Variants in STAG1 observed in about 807,000 individuals in gnomAD.
STAG1 encodes the protein STAG1 cohesin complex component, also known as cohesin subunit SA-1.
In STAG1, 26 loss-of-function variants were observed where a neutral mutation model predicts 170.9. The observed-to-expected ratio is 0.15, with a 90% confidence interval of 0.11 to 0.21. STAG1 has a LOEUF of 0.21. Ranked by LOEUF, STAG1 falls within the 10% of genes least tolerant of loss-of-function variation. The pLI, the probability that STAG1 is intolerant of heterozygous loss-of-function variation, is 1.00. For synonymous variants in STAG1, 514 were observed against 497.7 expected, an observed-to-expected ratio of 1.03 and a Z score of -0.44; for missense variants, 964 against 1,509.5, an observed-to-expected ratio of 0.64 and a Z score of 5.99.
intron 1 of STAG1, among the ~76,000 whole-genome samples, chr3:136,720,881 T>C (rs1933220158): frequency 6.6e-6 from 1 of 152,308 alleles, no homozygotes; most frequent in African/African-American, 2.4e-5. Context: ...TTTCATAGTT[T>C]ACAGAGCACT....
At chr3:136,368,756 AG>A (rs1308275021) in intron 24 of STAG1, among the ~76,000 whole-genome samples, 4 of 152,220 alleles carry the variant, frequency 2.6e-5, no homozygotes, top group Non-Finnish European at 4.4e-5. Context: ...AAAAGATCTG[AG>A]GTACAGTATT....
At chr3:136,624,708 A>C (rs1940019447) in intron 2 of STAG1, among the ~76,000 whole-genome samples, 1 of 152,236 alleles carries the variant, frequency 6.6e-6, no homozygotes, top group South Asian at 2.1e-4. Context: ...TATAATCAAC[A>C]AAACAATAAA....
intron 1 of STAG1, among the ~76,000 whole-genome samples, chr3:136,700,496 C>T (rs1489485529): frequency 2.0e-5 from 3 of 150,904 alleles, no homozygotes; most frequent in Non-Finnish European, 4.4e-5. Flanking sequence ...CTCTGCTCAC[C>T]GCAACCTCCA....
chr3:136,745,590 C>CA (rs1356928173), intron 1 of STAG1, among the ~76,000 whole-genome samples: 1 of 152,172 alleles, frequency 6.6e-6, no homozygotes, highest in East Asian at 1.9e-4. Flanking sequence ...CTAATGCTCC[C>CA]ACTGATCTGA....
At chr3:136,340,695 G>C (rs503973) in intron 31 of STAG1, 90 bp from the exon 32 acceptor site, 634,466 of 793,726 alleles carry the variant, frequency 0.8, 254,966 homozygotes, top group East Asian at 0.99. Flanking sequence ...TTCTAACCAA[G>C]TGAAGTATAC....
chr3:136,678,652 C>G (rs1257386569), intron 1 of STAG1, among the ~76,000 whole-genome samples: 1 of 150,982 alleles, frequency 6.6e-6, no homozygotes. Context: ...AATATTTCAA[C>G]AGTGGTAATG....
In STAG1 at chr3:136,336,393, G is replaced by C. The variant is rs1410974651; in HGVS notation, c.*1861C>G. The C allele has an allele frequency of 6.6e-6, 1 of 152,232 alleles. No individual in the cohort carries two copies. The highest frequency in any genetic ancestry group is 1.5e-5 in the Non-Finnish European group (1 of 68,034). The allele number at this position is 152,232 out of a possible 1,614,324, so 9.4% of individuals were successfully genotyped here. A position where few individuals can be genotyped will look rare whatever the true frequency, so the allele number is the denominator to read the frequency against. On this transcript the variant is annotated 3_prime_UTR_variant, in exon 34 of 34. Transcript: ENST00000383202. ...ACAAAAATTTGATTGACTTCAAACT[G>C]AACTGGAAACCCATTGGAGTAGATA...
At chr3:136,498,124 G>A (rs1445657427) in intron 9 of STAG1, among the ~76,000 whole-genome samples, 7 of 146,990 alleles carry the variant, frequency 4.8e-5, no homozygotes, top group Non-Finnish European at 7.5e-5. Context: ...CCCGGGAGGC[G>A]GAGGTTGCAG....
At chr3:136,536,236 GAATATAACAGGCCCATTAAA>G (rs1935615042) in intron 6 of STAG1, among the ~76,000 whole-genome samples, 1 of 152,038 alleles carries the variant, frequency 6.6e-6, no homozygotes, top group Non-Finnish European at 1.5e-5. Flanking sequence ...CAGATTAAGA[GAATATAACAGGCCCATTAAA>G]AAACTACTAG....
At position 136,731,686 on chromosome 3, in the gene STAG1, C is replaced by T. The variant is rs1934050995; in HGVS notation, c.-84+20509G>A. Among the ~76,000 whole-genome samples, 4 of 152,234 alleles carry T rather than the reference C, an allele frequency of 2.6e-5. 1 individual carries two copies. The highest frequency in any genetic ancestry group is 2.6e-4 in the Admixed American group (4 of 15,282). ...CTGTGCTTCAATGTCTTTATAACCA[C>T]ACTATATGGCTCATTGTAAATGTTC... On this transcript the variant is annotated intron_variant, in intron 1 of 33. Coordinates refer to ENST00000383202, the MANE Select transcript of STAG1 (RefSeq NM_005862.3).
chr3:136,642,152 G>A (rs1349926465), intron 1 of STAG1, among the ~76,000 whole-genome samples: 3 of 150,486 alleles, frequency 2.0e-5, no homozygotes, highest in Non-Finnish European at 4.4e-5. Context: ...ATCTCTTGAA[G>A]ATCAAAAATT....
At chr3:136,430,770 T>C (rs931339703) in intron 16 of STAG1, among the ~76,000 whole-genome samples, 7 of 146,720 alleles carry the variant, frequency 4.8e-5, no homozygotes, top group African/African-American at 7.6e-5. Context: ...TTCATGTTCT[T>C]TCAAGGAAAT....
chr3:136,359,124 T>A (rs762339050), intron 27 of STAG1, 24 bp downstream of exon 27: 2 of 1,573,204 alleles, frequency 1.3e-6, no homozygotes, highest in South Asian at 1.2e-5. Context: ...AGATTCTGCA[T>A]AACAAAGTGT....
At chr3:136,460,866 TAAC>T (rs1400310869) in intron 13 of STAG1, among the ~76,000 whole-genome samples, 2 of 151,800 alleles carry the variant, frequency 1.3e-5, no homozygotes, top group East Asian at 3.9e-4. Flanking sequence ...AAAGACAAAA[TAAC>T]AACAACAAAA....
At chr3:136,576,356 G>T (rs576004347) in intron 4 of STAG1, among the ~76,000 whole-genome samples, 74 of 152,250 alleles carry the variant, frequency 4.9e-4, no homozygotes, top group Middle Eastern at 6.8e-3. Flanking sequence ...TAATAGGCTT[G>T]AATGTCCTCA....
At chr3:136,476,222 C>G (rs1246861515) in intron 10 of STAG1, among the ~76,000 whole-genome samples, 1 of 152,158 alleles carries the variant, frequency 6.6e-6, no homozygotes, top group Non-Finnish European at 1.5e-5. Context: ...TAGCCCTTGT[C>G]TTGATATAAT....
At chr3:136,385,957 C>A (rs919393100) in intron 22 of STAG1, among the ~76,000 whole-genome samples, 3 of 152,218 alleles carry the variant, frequency 2.0e-5, no homozygotes, top group African/African-American at 7.2e-5. Context: ...CCGCCTCAGC[C>A]TCTCAAAGCG....
intron 2 of STAG1, among the ~76,000 whole-genome samples, chr3:136,625,627 C>T (rs546754797): frequency 4.9e-4 from 75 of 152,202 alleles, no homozygotes; most frequent in Non-Finnish European, 3.2e-4. Context: ...AGAATGATAT[C>T]AGTCTTCTTG....
intron 23 of STAG1, among the ~76,000 whole-genome samples, chr3:136,370,803 T>C (rs892787332): frequency 6.6e-6 from 1 of 152,242 alleles, no homozygotes; most frequent in Non-Finnish European, 1.5e-5. Context: ...CTATTGTGAA[T>C]AGTGCCGCAA....
Sources: allele counts gnomAD v4.1 joint callset (sites outside exome capture counted in the v4.1 genomes callset), GRCh38; gene constraint gnomAD v4.1.1; transcripts MANE v1.5; gene names NCBI Gene and HGNC (gene_info 2026-07-23, HGNC 2026-07-21).